Variants in PTPRG observed in about 807,000 individuals in gnomAD.
PTPRG encodes the protein protein tyrosine phosphatase receptor type G.
Under a neutral mutation model 165.3 loss-of-function variants are expected in PTPRG, and 102 were observed. The observed-to-expected ratio is 0.62, with a 90% confidence interval of 0.53 to 0.73. PTPRG has a LOEUF of 0.73. PTPRG is among the 30% of genes least tolerant of loss of function. PTPRG has a pLI of 0.00. For missense variants in PTPRG, 1,866 were observed against 1,861.4 expected, an observed-to-expected ratio of 1.00 and a Z score of -0.05; for synonymous variants, 675 against 669.5, an observed-to-expected ratio of 1.01 and a Z score of -0.13.
chr3:62,085,391 A>G (rs1047435334), intron 5 of PTPRG, among the ~76,000 whole-genome samples: 1 of 152,148 alleles, frequency 6.6e-6, no homozygotes, highest in African/African-American at 2.4e-5. Context: ...TGGATCAAAC[A>G]TGTTAAAGGG....
chr3:62,278,281 A>G (rs958386578), intron 26 of PTPRG, among the ~76,000 whole-genome samples: 1 of 149,916 alleles, frequency 6.7e-6, no homozygotes, highest in African/African-American at 2.5e-5. Context: ...CTAATAGTGA[A>G]TTTTTTTTTC....
At chr3:61,830,566 GTT>G (rs57644199) in intron 2 of PTPRG, among the ~76,000 whole-genome samples, 6 of 86,492 alleles carry the variant, frequency 6.9e-5, no homozygotes, top group African/African-American at 2.5e-4. Context: ...TTTTGTTTTT[GTT>G]TTTTTTTTTT....
chr3:61,746,366 C>T (rs1161271642), intron 1 of PTPRG, among the ~76,000 whole-genome samples: 3 of 151,976 alleles, frequency 2.0e-5, no homozygotes, highest in Admixed American at 6.6e-5. Context: ...CCACTTCACC[C>T]GTCTAATTTT....
chr3:61,970,484 A>G (rs988544649), intron 2 of PTPRG, among the ~76,000 whole-genome samples: 2 of 152,236 alleles, frequency 1.3e-5, no homozygotes, highest in Non-Finnish European at 2.9e-5. Flanking sequence ...TCTGCAAATT[A>G]TAAGTAATAC....
At chr3:61,694,016 A>G (rs959331038) in intron 1 of PTPRG, among the ~76,000 whole-genome samples, 32 of 148,386 alleles carry the variant, frequency 2.2e-4, no homozygotes, top group Non-Finnish European at 4.2e-4. Flanking sequence ...TCCAAAAAAA[A>G]AAAAAAAAAA....
intron 2 of PTPRG, among the ~76,000 whole-genome samples, chr3:61,986,195 CTCT>C (rs1378796160): frequency 6.6e-6 from 1 of 150,852 alleles, no homozygotes; most frequent in Non-Finnish European, 1.5e-5. Flanking sequence ...TTTCAGTTCT[CTCT>C]TCTTTCAATT....
intron 15 of PTPRG, among the ~76,000 whole-genome samples, chr3:62,249,626 T>G (rs1701365697): frequency 6.6e-6 from 1 of 152,030 alleles, no homozygotes; most frequent in Admixed American, 6.6e-5. Context: ...ACTTCCAGAG[T>G]AAGCAAGAAG....
intron 6 of PTPRG, among the ~76,000 whole-genome samples, chr3:62,139,665 G>A (rs1026070291): frequency 1.3e-5 from 2 of 152,174 alleles, no homozygotes; most frequent in Non-Finnish European, 2.9e-5. Flanking sequence ...AGCTTTTCTT[G>A]TCGAAACACG....
intron 5 of PTPRG, among the ~76,000 whole-genome samples, chr3:62,094,258 T>G (rs1702036910): frequency 1.3e-5 from 2 of 152,146 alleles, no homozygotes; most frequent in Non-Finnish European, 2.9e-5. Context: ...CTACCCCCTT[T>G]TTCTTCCAAA....
chr3:61,683,703 C>T (rs957357680), intron 1 of PTPRG, among the ~76,000 whole-genome samples: 4 of 152,184 alleles, frequency 2.6e-5, no homozygotes, highest in Non-Finnish European at 4.4e-5. Flanking sequence ...AGCTCTCTCT[C>T]GACTTATGAC....
chr3:61,805,309 A>T (rs957442500), intron 2 of PTPRG, among the ~76,000 whole-genome samples: 1 of 152,162 alleles, frequency 6.6e-6, no homozygotes, highest in Non-Finnish European at 1.5e-5. Context: ...TGTCCCCACA[A>T]AAGAATGTTC....
chr3:61,980,767 C>A (rs754504218), intron 2 of PTPRG, among the ~76,000 whole-genome samples: 10 of 152,108 alleles, frequency 6.6e-5, no homozygotes, highest in Non-Finnish European at 1.0e-4. Context: ...ATCAGATCTT[C>A]CTCTCTATTT....
rs760253186 is a variant in PTPRG, at chr3:62,212,284, C to T, written c.2156-6567C>T. On this transcript the variant is annotated intron_variant, in intron 12 of 29. Coordinates refer to ENST00000474889, the MANE Select transcript of PTPRG (RefSeq NM_002841.4). The stretch of plus-strand genomic sequence containing the variant: ...ACTGGGTATCAGTTGATACTCCTTT[C>T]CTCATTGTCATCTTTTCTACACACA... Among the ~76,000 whole-genome samples the T allele has an allele frequency of 5.9e-5, 9 of 152,248 alleles. No homozygotes were observed. The South Asian group carries it at 1.2e-3, about 21-fold the overall frequency.
At chr3:61,885,583 G>A (rs753569373) in intron 2 of PTPRG, among the ~76,000 whole-genome samples, 2 of 146,538 alleles carry the variant, frequency 1.4e-5, no homozygotes, top group Non-Finnish European at 3.0e-5. Flanking sequence ...TTTTATCAAT[G>A]GTAATGCTAT....
At chr3:61,632,643 A>T (rs1223812801) in intron 1 of PTPRG, among the ~76,000 whole-genome samples, 2 of 152,182 alleles carry the variant, frequency 1.3e-5, no homozygotes, top group African/African-American at 4.8e-5. Context: ...AAACCCTGGG[A>T]GGAAGTTGTG....
intron 1 of PTPRG, among the ~76,000 whole-genome samples, chr3:61,633,502 T>TA (rs1410857621): frequency 6.6e-6 from 1 of 152,248 alleles, no homozygotes; most frequent in Non-Finnish European, 1.5e-5. Context: ...TGCTAATGTA[T>TA]AAAAATACGA....
In PTPRG at chr3:62,273,174, T is replaced by C; in HGVS notation, c.3318+93T>C. 1.2e-5 allele frequency: 16 copies of C among 1,355,238 alleles called. No individual in the cohort carries two copies. The highest frequency in any genetic ancestry group is 2.5e-5 in the East Asian group (1 of 39,528). 84.0% of individuals were successfully genotyped at this position (1,355,238 alleles called of 1,614,324 possible). A position where few individuals can be genotyped will look rare whatever the true frequency, so the allele number is the denominator to read the frequency against. On this transcript the variant is annotated intron_variant, in intron 22 of 29. Coordinates refer to ENST00000474889, the MANE Select transcript of PTPRG (RefSeq NM_002841.4). This position sits in a 1 kb window ranked among gnomAD's most constrained non-coding sequence, Gnocchi z 4.1. ...TAATGAAGAGACAGATTCATTCTTT[T>C]AGGGCTTGCAGTAATTTACAGGTTT...
rs545177336 is a variant in PTPRG, at chr3:61,565,839, G to A, written c.85+3467G>A. On this transcript the variant is annotated intron_variant, in intron 1 of 29. Transcript: ENST00000474889. ...TCTCTTATTTTATTTGCATGTGCGG[G>A]CTTTAGTTCTGATGGGCATCCGTTA... Among the ~76,000 whole-genome samples, 43 of 151,732 alleles carry A rather than the reference G, an allele frequency of 2.8e-4. No homozygotes were observed. In the South Asian group the frequency reaches 8.6e-3, roughly 30 times the overall value.
At chr3:62,024,976 C>T (rs938474914) in intron 4 of PTPRG, among the ~76,000 whole-genome samples, 1 of 152,076 alleles carries the variant, frequency 6.6e-6, no homozygotes, top group South Asian at 2.1e-4. Flanking sequence ...TCGACCTAAC[C>T]CTAGCAATTT....
Sources: allele counts gnomAD v4.1 joint callset (sites outside exome capture counted in the v4.1 genomes callset), GRCh38; gene constraint gnomAD v4.1.1; non-coding constraint Gnocchi (gnomAD v3.1); transcripts MANE v1.5; gene names NCBI Gene and HGNC (gene_info 2026-07-23, HGNC 2026-07-21).